The following TTC29 variants were observed in gnomAD, a reference collection of about 807,000 sequenced individuals.
The protein encoded by TTC29 is tetratricopeptide repeat protein 29.
TTC29 carries 49 observed loss-of-function variants against 58.1 expected under a neutral mutation model. That is an observed-to-expected ratio of 0.84 (90% confidence interval 0.67 to 1.07). The LOEUF is 1.07. Ranked by LOEUF, TTC29 falls within the 50% of genes least tolerant of loss-of-function variation. The probability of loss-of-function intolerance (pLI) is 0.00; values close to 1 mark genes in which losing one functional copy is unlikely to be tolerated. For synonymous variants in TTC29, 209 were observed against 196.8 expected (o/e 1.06, Z -0.52); for missense variants, 582 against 555.6 (o/e 1.05, Z -0.48).
chr4:146,726,990 T>C (rs1743834250), intron 11 of TTC29, among the ~76,000 whole-genome samples: 1 of 151,944 alleles, frequency 6.6e-6, no homozygotes, highest in Admixed American at 6.6e-5. Context: ...ACTTACTTAC[T>C]TCCTTTCCTC....
intron 11 of TTC29, among the ~76,000 whole-genome samples, chr4:146,709,681 A>T (rs1169200057): frequency 1.3e-5 from 2 of 152,106 alleles, no homozygotes; most frequent in African/African-American, 4.8e-5. Flanking sequence ...TCTATGAGAC[A>T]TTCCTAGTCC....
At chr4:146,746,678 A>C (rs1007599292) in intron 11 of TTC29, among the ~76,000 whole-genome samples, 12 of 152,038 alleles carry the variant, frequency 7.9e-5, no homozygotes, top group Non-Finnish European at 1.8e-4. Context: ...GATGAAAGAG[A>C]GTGTGTTTAG....
chr4:146,722,764 C>G (rs1485914809), intron 11 of TTC29, among the ~76,000 whole-genome samples: 1 of 152,128 alleles, frequency 6.6e-6, no homozygotes, highest in Non-Finnish European at 1.5e-5. Context: ...GTGGCACAAT[C>G]TTGGCTCACT....
chr4:146,858,407 G>T (rs955187805), intron 8 of TTC29, among the ~76,000 whole-genome samples: 2 of 152,156 alleles, frequency 1.3e-5, no homozygotes, highest in African/African-American at 4.8e-5. Flanking sequence ...GAATGCCATT[G>T]CTATGTATGA....
intron 7 of TTC29, among the ~76,000 whole-genome samples, chr4:146,869,097 T>TAA (rs35029868): frequency 0.02 from 2,166 of 110,360 alleles, 24 homozygotes; most frequent in Middle Eastern, 0.026. Flanking sequence ...GAGCTTTAAG[T>TAA]AAAAAAAAAA....
intron 11 of TTC29, among the ~76,000 whole-genome samples, chr4:146,780,968 TTAGA>T (rs1209892813): frequency 6.6e-6 from 1 of 151,980 alleles, no homozygotes; most frequent in Non-Finnish European, 1.5e-5. Flanking sequence ...ATTAAAATGG[TTAGA>T]TAAATTTCAG....
At chr4:146,831,590 C>G (rs1728166709) in intron 9 of TTC29, 1 of 330,164 alleles carries the variant, frequency 3.0e-6, no homozygotes, top group East Asian at 7.6e-5. Context: ...TCCCGTCCCA[C>G]TCCCAAGCTC....
chr4:146,830,410 T>C (rs1728080302), intron 9 of TTC29, among the ~76,000 whole-genome samples: 1 of 152,184 alleles, frequency 6.6e-6, no homozygotes, highest in Non-Finnish European at 1.5e-5. Flanking sequence ...GTATAAATTC[T>C]TATAACCATT....
intron 4 of TTC29, among the ~76,000 whole-genome samples, chr4:146,918,351 C>T (rs374058972): frequency 6.6e-6 from 1 of 150,936 alleles, no homozygotes; most frequent in Non-Finnish European, 1.5e-5. Flanking sequence ...TATAACTCAA[C>T]GAATAATAAA....
chr4:146,944,520 A>G (rs1301603940), intron 2 of TTC29, among the ~76,000 whole-genome samples: 1 of 152,166 alleles, frequency 6.6e-6, no homozygotes, highest in Non-Finnish European at 1.5e-5. Context: ...CAGGAAACAC[A>G]AAGGAGGGAG....
chr4:146,733,200 G>T (rs935383580), intron 11 of TTC29, among the ~76,000 whole-genome samples: 4 of 152,078 alleles, frequency 2.6e-5, no homozygotes, highest in South Asian at 2.1e-4. Flanking sequence ...TGTAAATAGT[G>T]ACTATAGATA....
At chr4:146,830,777 G>A (rs191788043) in intron 9 of TTC29, among the ~76,000 whole-genome samples, 1 of 151,700 alleles carries the variant, frequency 6.6e-6, no homozygotes, top group East Asian at 1.9e-4. Flanking sequence ...TTATATGTGT[G>A]GGTATGTGCA....
intron 11 of TTC29, among the ~76,000 whole-genome samples, chr4:146,741,110 T>A (rs910940500): frequency 1.3e-5 from 2 of 152,206 alleles, no homozygotes; most frequent in Non-Finnish European, 2.9e-5. Flanking sequence ...TGAACCTTAC[T>A]TTGCCTTAGA....
chr4:146,939,800 G>T lies in TTC29; in HGVS notation c.92+4C>A, dbSNP rs778536285. 3 of 1,610,190 alleles carry T rather than the reference G, an allele frequency of 1.9e-6. No individual in the cohort carries two copies. Among genetic ancestry groups the T allele is most frequent in the Non-Finnish European group, 1.7e-6 (2 of 1,178,488 alleles). On this transcript the variant is annotated splice_donor_region_variant and intron_variant, in intron 3 of 12. Transcript: ENST00000325106. ...GAAAATAAGTAAAAACCAGGGGCAC[G>T]TACCTTGGAATTTTTCTGGAGGAGC...
chr4:146,808,869 G>T (rs1313369100), intron 10 of TTC29, among the ~76,000 whole-genome samples: 1 of 152,010 alleles, frequency 6.6e-6, no homozygotes, highest in Non-Finnish European at 1.5e-5. Context: ...TTTCTTCACA[G>T]ATTTAGAAAA....
intron 4 of TTC29, among the ~76,000 whole-genome samples, chr4:146,915,860 C>T (rs775978785): frequency 2.6e-5 from 4 of 151,502 alleles, no homozygotes; most frequent in Non-Finnish European, 5.9e-5. Context: ...ATAAAAAAAC[C>T]GTACTTTAAA....
intron 11 of TTC29, among the ~76,000 whole-genome samples, chr4:146,762,515 T>C (rs1362359896): frequency 6.6e-6 from 1 of 151,990 alleles, no homozygotes; most frequent in Non-Finnish European, 1.5e-5. Context: ...CAATTAGGGT[T>C]CACTGAAACA....
intron 6 of TTC29, among the ~76,000 whole-genome samples, chr4:146,896,684 T>C (rs1322153131): frequency 1.3e-5 from 2 of 152,218 alleles, no homozygotes; most frequent in Non-Finnish European, 2.9e-5. Context: ...ATTTGTCGTC[T>C]TCTCTCATTG....
chr4:146,759,377 T>C (rs1213624399), intron 11 of TTC29, among the ~76,000 whole-genome samples: 2 of 151,842 alleles, frequency 1.3e-5, no homozygotes, highest in Admixed American at 6.6e-5. Flanking sequence ...TTGGTACCAA[T>C]ACTTCTGACA....
Sources: allele counts gnomAD v4.1 joint callset (sites outside exome capture counted in the v4.1 genomes callset), GRCh38; gene constraint gnomAD v4.1.1; transcripts MANE v1.5; gene names NCBI Gene and HGNC (gene_info 2026-07-23, HGNC 2026-07-21).